Variants in CNOT9 observed in about 807,000 individuals in gnomAD.
The protein encoded by CNOT9 is CCR4-NOT transcription complex subunit 9, also known as RCD1 required for cell differentiation1 homolog.
CNOT9 carries 8 observed loss-of-function variants against 37.4 expected under a neutral mutation model. That is an observed-to-expected ratio of 0.21 (90% CI 0.13 to 0.39). The LOEUF is 0.39. Ranked by LOEUF, CNOT9 falls within the 10% of genes least tolerant of loss-of-function variation. The pLI is 1.00. For synonymous variants in CNOT9, 120 were observed against 137.6 expected (o/e 0.87, Z 0.90); for missense variants, 154 against 365.3 (o/e 0.42, Z 4.71).
intron 5 of CNOT9, among the ~76,000 whole-genome samples, chr2:218,590,060 T>TG (rs1559250485): frequency 3.2e-4 from 49 of 150,868 alleles, no homozygotes; most frequent in African/African-American, 1.2e-3. Flanking sequence ...TTCTGTTTTT[T>TG]TTTTTGTTGT....
intron 7 of CNOT9, chr2:218,593,026 T>TA: frequency 3.2e-6 from 1 of 310,338 alleles, no homozygotes; most frequent in South Asian, 4.3e-5. Context: ...GAGAGAGAAG[T>TA]ATATTTTCAA....
chr2:218,593,579 T>C, intron 7 of CNOT9: 1 of 1,501,198 alleles, frequency 6.7e-7, no homozygotes, highest in Non-Finnish European at 8.9e-7. Flanking sequence ...AATGAAACGT[T>C]TAAAAGTTCA....
At chr2:218,581,750 G>A (rs1694391112) in intron 2 of CNOT9, among the ~76,000 whole-genome samples, 1 of 152,100 alleles carries the variant, frequency 6.6e-6, no homozygotes, top group Non-Finnish European at 1.5e-5. Context: ...TTTGTTATGG[G>A]AACGTTTTTC....
chr2:218,584,775 G>A, intron 4 of CNOT9, 54 bp downstream of exon 4: 9 of 1,288,066 alleles, frequency 7.0e-6, no homozygotes, highest in South Asian at 3.6e-5. Flanking sequence ...AGTAGTCTAA[G>A]TTGGGTGTTT....
At chr2:218,585,643 T>TTA (rs200651608) in intron 4 of CNOT9, among the ~76,000 whole-genome samples, 45 of 5,346 alleles carry the variant, frequency 8.4e-3, no homozygotes, top group Admixed American at 0.018. Flanking sequence ...ATTTTATTTT[T>TTA]TTTTTTTTTT....
chr2:218,572,227 G>A (rs182261229), intron 1 of CNOT9, among the ~76,000 whole-genome samples: 4,097 of 152,022 alleles, frequency 0.027, 178 homozygotes, highest in African/African-American at 0.094. Flanking sequence ...AGGCTGAGGC[G>A]GGAGAATCAC....
At chr2:218,590,797 CTTG>C (rs72308011) in intron 5 of CNOT9, among the ~76,000 whole-genome samples, 76,607 of 150,698 alleles carry the variant, frequency 0.51, 20,927 homozygotes, top group East Asian at 0.77. Context: ...CTACATCTCT[CTTG>C]TTGTTGTTGT....
chr2:218,575,402 T>C (rs1010383876), intron 1 of CNOT9, among the ~76,000 whole-genome samples: 1 of 142,832 alleles, frequency 7.0e-6, no homozygotes, highest in Middle Eastern at 3.2e-3. Flanking sequence ...TTTTTTTTTT[T>C]TTGAGATGAG....
chr2:218,571,188 G>A (rs1397490880), intron 1 of CNOT9, among the ~76,000 whole-genome samples: 1 of 152,218 alleles, frequency 6.6e-6, no homozygotes, highest in African/African-American at 2.4e-5. Flanking sequence ...GTGTGTATCT[G>A]TGACTTTATT....
chr2:218,573,499 TTATG>T (rs1694067742), intron 1 of CNOT9, among the ~76,000 whole-genome samples: 1 of 152,174 alleles, frequency 6.6e-6, no homozygotes, highest in African/African-American at 2.4e-5. Context: ...ATTCCATTCT[TTATG>T]TATTGGCAGG....
intron 1 of CNOT9, among the ~76,000 whole-genome samples, chr2:218,570,831 C>A (rs1204005259): frequency 1.3e-5 from 2 of 152,184 alleles, no homozygotes; most frequent in Admixed American, 6.5e-5. Context: ...ATACATGTTT[C>A]TTCACGTTTT....
Position 218,573,278 on chromosome 2 carries a change from A to G in CNOT9, c.24+4300A>G, listed in dbSNP as rs542301462. Among the ~76,000 whole-genome samples the G allele has an allele frequency of 2.7e-5, 4 of 150,604 alleles. No homozygotes were observed. In the South Asian group the frequency reaches 6.3e-4, roughly 24 times the overall value. ...GGTTATAGTGAGCTGAGATTGTGCC[A>G]TTGCACTCGAGCCTGGGCAACAAGA... is the stretch of plus-strand genomic sequence containing the variant. On this transcript the variant is annotated intron_variant, in intron 1 of 7. Transcript: ENST00000273064.
intron 3 of CNOT9, among the ~76,000 whole-genome samples, chr2:218,583,719 C>T (rs2106090345): frequency 6.6e-6 from 1 of 152,240 alleles, no homozygotes; most frequent in African/African-American, 2.4e-5. Flanking sequence ...AATATGTATG[C>T]TAGGTTGGCA....
At chr2:218,569,997 C>T (rs1693923442) in intron 1 of CNOT9, among the ~76,000 whole-genome samples, 1 of 152,082 alleles carries the variant, frequency 6.6e-6, no homozygotes, top group Admixed American at 6.6e-5. Flanking sequence ...TTATTGTATT[C>T]GTTTATTTGT....
Position 218,592,164 on chromosome 2 carries a change from A to G in CNOT9, c.541-140A>G, listed in dbSNP as rs1694802019. On this transcript the variant is annotated intron_variant, in intron 5 of 7. Transcript: ENST00000273064. The surrounding 1 kb of genome is among the most constrained non-coding windows in gnomAD (Gnocchi z 4.1). ...TTATTATTCTTTGTACTATACATAT[A>G]TGATAAAGTTGTACATAATATACAA... 1 of 638,584 alleles carries G rather than the reference A, an allele frequency of 1.6e-6. No individual in the cohort carries two copies. The highest frequency in any genetic ancestry group is 2.8e-6 in the Non-Finnish European group (1 of 358,270). 39.6% of individuals were successfully genotyped at this position (638,584 alleles called of 1,614,324 possible). A position where few individuals can be genotyped will look rare whatever the true frequency, so the allele number is the denominator to read the frequency against.
Position 218,568,929 on chromosome 2 carries a change from G to A in CNOT9, c.-26G>A, listed in dbSNP as rs1386533493. 6.2e-7 allele frequency: 1 copy of A among 1,607,294 alleles called. No individual in the cohort carries two copies. The highest frequency in any genetic ancestry group is 2.3e-5 in the East Asian group (1 of 44,430). On this transcript the variant is annotated 5_prime_UTR_variant, in exon 1 of 8. Transcript: ENST00000273064. ...ACGCGGGTCGGACGCGTCCGGCTGT[G>A]GAAGAGAGCGGCGGCCGCTCACAAC...
At chr2:218,573,672 AT>A (rs2106079001) in intron 1 of CNOT9, 1 of 152,494 alleles carries the variant, frequency 6.6e-6, no homozygotes, top group South Asian at 2.1e-4. Flanking sequence ...ATTTAAAATA[AT>A]TTATAAACAT....
intron 1 of CNOT9, among the ~76,000 whole-genome samples, chr2:218,578,878 C>T (rs902108861): frequency 1.3e-5 from 2 of 152,110 alleles, no homozygotes; most frequent in African/African-American, 4.8e-5. Flanking sequence ...ATAAAATATT[C>T]AAATTTGGGG....
chr2:218,587,578 T>C lies in CNOT9; in HGVS notation c.431-8T>C. The C allele has an allele frequency of 1.3e-6, 2 of 1,571,552 alleles. No homozygotes were observed. Among genetic ancestry groups the C allele is most frequent in the Non-Finnish European group, 1.7e-6 (2 of 1,159,396 alleles). ...TAAAATAATTTTGTTTGTCCTTATT[T>C]TCTTTAGGGGCCCTGGTGAAAACAG... On this transcript the variant is annotated splice_polypyrimidine_tract_variant and splice_region_variant and intron_variant, in intron 4 of 7. Coordinates refer to ENST00000273064, the MANE Select transcript of CNOT9 (RefSeq NM_005444.3).
Sources: allele counts gnomAD v4.1 joint callset (sites outside exome capture counted in the v4.1 genomes callset), GRCh38; gene constraint gnomAD v4.1.1; non-coding constraint Gnocchi (gnomAD v3.1); transcripts MANE v1.5; gene names NCBI Gene and HGNC (gene_info 2026-07-23, HGNC 2026-07-21).